ZC2HC1A: variants seen among roughly 807,000 people sequenced by gnomAD.
ZC2HC1A encodes zinc finger C2HC domain-containing protein 1A.
In ZC2HC1A, 28 loss-of-function variants were observed where a neutral mutation model predicts 40.7. That is an observed-to-expected ratio of 0.69 (90% confidence interval 0.51 to 0.94). The LOEUF (loss-of-function observed/expected upper bound fraction) is 0.94, where lower values mean the gene tolerates loss of function less well. Ranked by LOEUF, ZC2HC1A falls within the 40% of genes least tolerant of loss-of-function variation. The pLI is 0.00. For synonymous variants in ZC2HC1A, 129 were observed against 129.2 expected, an observed-to-expected ratio of 1.00 and a Z score of 0.01; for missense variants, 389 against 386.3, an observed-to-expected ratio of 1.01 and a Z score of -0.06.
intron 7 of ZC2HC1A, among the ~76,000 whole-genome samples, chr8:78,704,987 G>C (rs1586021826): frequency 6.6e-6 from 1 of 152,152 alleles, no homozygotes; most frequent in African/African-American, 2.4e-5. Context: ...TATTTCATCT[G>C]TTTGCTCCTG....
rs1349072276 is a variant in ZC2HC1A at position 78,666,119 on chromosome 8, G to T, written c.-30G>T. The T allele has an allele frequency of 3.8e-6, 6 of 1,562,498 alleles. No homozygotes were observed. The South Asian group carries it at 7.1e-5, about 18-fold the overall frequency. ...TGGGCGGTGGCGGGCGCTGCTGAAG[G>T]AGTCTCGCTGAGCTCGAGGAGGTGG... On this transcript the variant is annotated 5_prime_UTR_variant, in exon 1 of 9. Coordinates refer to ENST00000263849, the MANE Select transcript of ZC2HC1A (RefSeq NM_016010.3).
At chr8:78,697,253 T>G (rs536104893) in intron 5 of ZC2HC1A, among the ~76,000 whole-genome samples, 154 bp from the exon 6 acceptor site, 2 of 152,262 alleles carry the variant, frequency 1.3e-5, no homozygotes, top group Non-Finnish European at 2.9e-5. Flanking sequence ...AATACATTAA[T>G]GATGTGCAAC....
At chr8:78,686,987 C>T (rs1180982754) in intron 4 of ZC2HC1A, among the ~76,000 whole-genome samples, 2 of 152,060 alleles carry the variant, frequency 1.3e-5, no homozygotes, top group Non-Finnish European at 2.9e-5. Flanking sequence ...GGTATCTTCT[C>T]ATCTGAGATT....
At chr8:78,706,496 C>T (rs759163575) in intron 7 of ZC2HC1A, among the ~76,000 whole-genome samples, 6 of 152,054 alleles carry the variant, frequency 3.9e-5, no homozygotes, top group Admixed American at 6.6e-5. Context: ...TGCAAAGATC[C>T]GTTGGAGAAG....
At chr8:78,706,008 T>G (rs1275651358) in intron 7 of ZC2HC1A, among the ~76,000 whole-genome samples, 1 of 152,168 alleles carries the variant, frequency 6.6e-6, no homozygotes, top group Non-Finnish European at 1.5e-5. Flanking sequence ...ATTGGGAACC[T>G]GCTTAACCAG....
intron 7 of ZC2HC1A, among the ~76,000 whole-genome samples, chr8:78,700,218 T>G: frequency 6.6e-6 from 1 of 152,228 alleles, no homozygotes; most frequent in Non-Finnish European, 1.5e-5. Context: ...TAATGATCAG[T>G]GATGTTGAGC....
rs1810140197 is a variant in ZC2HC1A at position 78,689,510 on chromosome 8, A to G, written c.504+137A>G. 2 of 766,830 alleles carry G rather than the reference A, an allele frequency of 2.6e-6. 1 individual carries two copies. The highest frequency in any genetic ancestry group is 8.8e-5 in the South Asian group (2 of 22,692). The allele number at this position is 766,830 out of a possible 1,614,324, so 47.5% of individuals were successfully genotyped here. A position where few individuals can be genotyped will look rare whatever the true frequency, so the allele number is the denominator to read the frequency against. On this transcript the variant is annotated intron_variant, in intron 5 of 8. Coordinates refer to ENST00000263849, the MANE Select transcript of ZC2HC1A (RefSeq NM_016010.3). ...TAGATATATAGTTTTATATATCTAT[A>G]AAAGTTGTATGCTTTTAGCTCTTAT... is the stretch of plus-strand genomic sequence containing the variant.
intron 5 of ZC2HC1A, among the ~76,000 whole-genome samples, chr8:78,690,899 T>C (rs1314095746): frequency 2.7e-4 from 41 of 152,210 alleles, no homozygotes; most frequent in Admixed American, 2.7e-3. Flanking sequence ...TTTTGCTTGT[T>C]TAGAAAAACT....
chr8:78,687,678 C>T lies in ZC2HC1A; in HGVS notation c.352+1070C>T, dbSNP rs1285263041. 1.8e-5 allele frequency among the ~76,000 whole-genome samples: 2 copies of T among 110,506 alleles called. 1 individual carries two copies. The highest frequency in any genetic ancestry group is 6.5e-5 in the African/African-American group (2 of 30,688). 72.5% of individuals were successfully genotyped at this position (110,506 alleles called of 152,430 possible). The stretch of plus-strand genomic sequence containing the variant: ...ATACATTATATATATTTACGTAATA[C>T]ATTATATATATTTACGTAATACATT... On this transcript the variant is annotated intron_variant, in intron 4 of 8. Coordinates refer to ENST00000263849, the MANE Select transcript of ZC2HC1A (RefSeq NM_016010.3).
In ZC2HC1A at chr8:78,708,683, CT is replaced by C. The variant is rs1192881506; in HGVS notation, c.705-6524del. 9.1e-3 allele frequency among the ~76,000 whole-genome samples: 1,102 copies of C among 120,980 alleles called. 18 individuals are homozygous for C. Among genetic ancestry groups the C allele is most frequent in the African/African-American group, 0.026 (881 of 34,056 alleles). 79.4% of individuals were successfully genotyped at this position (120,980 alleles called of 152,430 possible). The stretch of plus-strand genomic sequence containing the variant: ...TAAAAGATGATTATCTTTTTTTTTT[CT>C]TTTTTTTTTTTTTGAGATGGAGTTT... On this transcript the variant is annotated intron_variant, in intron 7 of 8. Transcript: ENST00000263849.
Position 78,715,326 on chromosome 8 carries a change from C to T in ZC2HC1A, c.810C>T (p.Ala270=). 6.2e-7 allele frequency: 1 copy of T among 1,610,278 alleles called. No individual in the cohort carries two copies. The highest frequency in any genetic ancestry group is 8.5e-7 in the Non-Finnish European group (1 of 1,178,206). Residue 270 remains alanine (A), a splice_region_variant and synonymous_variant, in exon 8 of 9, where the codon GCC becomes GCT. Coordinates refer to ENST00000263849, the MANE Select transcript of ZC2HC1A (RefSeq NM_016010.3). Reference sequence around the variant, plus strand: ...AAACATATACTGAGAGCTACATAGCCAGGTATGTTTAGCTCTGCTCTCCCA... The same window carrying T: ...AAACATATACTGAGAGCTACATAGCTAGGTATGTTTAGCTCTGCTCTCCCA... ...KRKTYTESYI[A]RPDGDCASSL... is the part of the protein sequence containing the mutation.
chr8:78,716,183 C>T lies in ZC2HC1A; in HGVS notation c.812+855C>T, dbSNP rs528619260. Among the ~76,000 whole-genome samples, 12 of 150,910 alleles carry T rather than the reference C, an allele frequency of 8.0e-5. No individual in the cohort carries two copies. The South Asian group carries it at 1.1e-3, about 13-fold the overall frequency. On this transcript the variant is annotated intron_variant, in intron 8 of 8. Transcript: ENST00000263849. ...TGTCGCTCAGGCTGGAGTGCAGTGG[C>T]GCAATCTCGGCTCACTGCAAGCTGT...
chr8:78,681,691 A>G (rs1179774194), intron 3 of ZC2HC1A, among the ~76,000 whole-genome samples: 1 of 152,154 alleles, frequency 6.6e-6, no homozygotes, highest in Admixed American at 6.5e-5. Flanking sequence ...CTTTGTGGGA[A>G]GGAAAATATT....
Position 78,700,524 on chromosome 8 carries a change from T to A in ZC2HC1A, c.704+2011T>A, listed in dbSNP as rs1586015971. 3.3e-5 allele frequency among the ~76,000 whole-genome samples: 5 copies of A among 152,348 alleles called. 1 individual carries two copies. In the South Asian group the frequency reaches 1.0e-3, roughly 32 times the overall value. Reference sequence around the variant, plus strand: ...CTTTAGTTTAATTACAGCCCATTTGTCAATTTGTGTTTTTGTTGCAATTGC... The same window carrying A: ...CTTTAGTTTAATTACAGCCCATTTGACAATTTGTGTTTTTGTTGCAATTGC... On this transcript the variant is annotated intron_variant, in intron 7 of 8. Transcript: ENST00000263849.
rs1810458463 is a variant in ZC2HC1A at position 78,697,399 on chromosome 8, T to C, written c.505-8T>C. ...ATGTTGATTAATATTTTTTTTCCAT[T>C]ATTTTAGTATAAGCCACCCGCACTT... On this transcript the variant is annotated splice_region_variant and splice_polypyrimidine_tract_variant and intron_variant, in intron 5 of 8. Coordinates refer to ENST00000263849, the MANE Select transcript of ZC2HC1A (RefSeq NM_016010.3). 1.3e-6 allele frequency: 2 copies of C among 1,572,760 alleles called. No individual in the cohort carries two copies. Among genetic ancestry groups the C allele is most frequent in the African/African-American group, 1.4e-5 (1 of 72,210 alleles).
intron 1 of ZC2HC1A, among the ~76,000 whole-genome samples, chr8:78,671,310 G>C (rs1809432467): frequency 6.6e-6 from 1 of 152,186 alleles, no homozygotes; most frequent in African/African-American, 2.4e-5. Flanking sequence ...GATAGATTTT[G>C]TAAGGAGAGA....
intron 1 of ZC2HC1A, among the ~76,000 whole-genome samples, chr8:78,667,396 A>G (rs905486733): frequency 4.6e-5 from 7 of 152,010 alleles, no homozygotes; most frequent in African/African-American, 1.7e-4. Flanking sequence ...ATAGTACAGT[A>G]TATTTTACTT....
In ZC2HC1A at chr8:78,717,655, T is replaced by TACAC; in HGVS notation, c.*162_*163insACAC. 1 of 674,962 alleles carries TACAC rather than the reference T, an allele frequency of 1.5e-6. No homozygotes were observed. Among genetic ancestry groups the TACAC allele is most frequent in the Non-Finnish European group, 2.4e-6 (1 of 419,876 alleles). The allele number at this position is 674,962 out of a possible 1,614,324, so 41.8% of individuals were successfully genotyped here. On this transcript the variant is annotated 3_prime_UTR_variant, in exon 9 of 9. Coordinates refer to ENST00000263849, the MANE Select transcript of ZC2HC1A (RefSeq NM_016010.3). Reference sequence around the variant, plus strand: ...CTTTTGGCTATATAATGTGTGTATGTTTATATGTGTACATATACTGTATAT... The same window carrying TACAC: ...CTTTTGGCTATATAATGTGTGTATGTACACTTATATGTGTACATATACTGTATAT...
At chr8:78,696,369 C>A (rs183162899) in intron 5 of ZC2HC1A, among the ~76,000 whole-genome samples, 66 of 152,192 alleles carry the variant, frequency 4.3e-4, no homozygotes, top group Non-Finnish European at 8.1e-4. Flanking sequence ...ATCTTGATAC[C>A]GTATTGGGCT....
Sources: gnomAD v4.1 joint callset for allele counts (sites outside exome capture counted in the v4.1 genomes callset) on GRCh38, gnomAD v4.1.1 for gene constraint, MANE v1.5 for transcripts, NCBI Gene and HGNC (gene_info 2026-07-23, HGNC 2026-07-21) for gene names.